The following QRSL1 variants were observed in gnomAD, a reference collection of about 807,000 sequenced individuals.
QRSL1 encodes glutamyl-tRNA(Gln) amidotransferase subunit A, mitochondrial.
In QRSL1, 54 loss-of-function variants were observed where a neutral mutation model predicts 61.6. The ratio of observed to expected loss-of-function variants is 0.88; its 90% CI spans 0.70 to 1.10. The LOEUF (loss-of-function observed/expected upper bound fraction) is 1.10, where lower values mean the gene tolerates loss of function less well. QRSL1 is among the 50% of genes least tolerant of loss of function. The pLI, the probability that QRSL1 is intolerant of heterozygous loss-of-function variation, is 0.00. For synonymous variants in QRSL1, 228 were observed against 225.7 expected (o/e 1.01, Z -0.09); for missense variants, 505 against 622.6 (o/e 0.81, Z 2.01).
chr6:106,634,765 C>CA lies in QRSL1; in HGVS notation c.24+5071dup, dbSNP rs879853525. Among the ~76,000 whole-genome samples, 653 of 138,220 alleles carry CA rather than the reference C, an allele frequency of 4.7e-3. 7 individuals carry two copies. The highest frequency in any genetic ancestry group is 0.014 in the African/African-American group (509 of 37,664). 90.7% of individuals were successfully genotyped at this position (138,220 alleles called of 152,430 possible). A position where few individuals can be genotyped will look rare whatever the true frequency, so the allele number is the denominator to read the frequency against. ...TTGGCAACAGAGCAAGGCCCTGTCT[C>CA]AAAAAAAAAAAGCAAGAAAGCATGA... On this transcript the variant is annotated intron_variant, in intron 1 of 10. Transcript: ENST00000369046.
intron 1 of QRSL1, among the ~76,000 whole-genome samples, chr6:106,635,980 G>A (rs772476637): frequency 3.2e-4 from 48 of 152,120 alleles, no homozygotes; most frequent in Non-Finnish European, 5.9e-4. Flanking sequence ...AAAATGTCTT[G>A]CATAGAGAAT....
intron 1 of QRSL1, among the ~76,000 whole-genome samples, chr6:106,633,996 A>G (rs1261627450): frequency 2.6e-5 from 4 of 152,100 alleles, no homozygotes; most frequent in Admixed American, 6.6e-5. Flanking sequence ...TATGAGTACT[A>G]TGGAGAAAAA....
chr6:106,637,620 CTG>C (rs1776944511), intron 1 of QRSL1, among the ~76,000 whole-genome samples: 1 of 152,140 alleles, frequency 6.6e-6, no homozygotes, highest in Admixed American at 6.5e-5. Context: ...ACTCTGGACT[CTG>C]TGGTATGTGG....
rs975577283 is a variant in QRSL1, at chr6:106,648,772, C to G, written c.381-253C>G. 4.6e-5 allele frequency among the ~76,000 whole-genome samples: 7 copies of G among 152,150 alleles called. No individual in the cohort carries two copies. In the South Asian group the frequency reaches 1.5e-3, roughly 32 times the overall value. ...ATCATCTTCAGTTGAATTGGATGAT[C>G]AAAAGAGGCAAAATCTTTTCTTAGC... On this transcript the variant is annotated intron_variant, in intron 4 of 10. Transcript: ENST00000369046.
chr6:106,661,098 A>G (rs965025541), intron 9 of QRSL1, among the ~76,000 whole-genome samples: 1 of 149,670 alleles, frequency 6.7e-6, no homozygotes, highest in Non-Finnish European at 1.5e-5. Flanking sequence ...ATAGAAAACA[A>G]GTATTTGTTT....
intron 1 of QRSL1, among the ~76,000 whole-genome samples, chr6:106,638,078 G>A (rs1295534995): frequency 1.3e-5 from 2 of 152,194 alleles, no homozygotes; most frequent in African/African-American, 4.8e-5. Flanking sequence ...GAGGAGTCAA[G>A]GAAGGAGAGA....
intron 4 of QRSL1, among the ~76,000 whole-genome samples, 164 bp from the exon 5 acceptor site, chr6:106,648,861 T>C (rs1232357352): frequency 1.3e-5 from 2 of 152,222 alleles, no homozygotes; most frequent in African/African-American, 4.8e-5. Flanking sequence ...AACTGTCAAT[T>C]AATGAAAGCT....
intron 4 of QRSL1, among the ~76,000 whole-genome samples, chr6:106,643,674 C>CT (rs1486789189): frequency 6.8e-6 from 1 of 146,396 alleles, no homozygotes; most frequent in East Asian, 2.0e-4. Context: ...GAGTGCAACT[C>CT]TGTCTCAAAA....
chr6:106,666,373 G>T lies in QRSL1; in HGVS notation c.*371G>T. The T allele has an allele frequency of 4.8e-6, 1 of 206,648 alleles. No individual in the cohort carries two copies. Among genetic ancestry groups the T allele is most frequent in the Non-Finnish European group, 1.0e-5 (1 of 100,360 alleles). 12.8% of individuals were successfully genotyped at this position (206,648 alleles called of 1,614,324 possible). A position where few individuals can be genotyped will look rare whatever the true frequency, so the allele number is the denominator to read the frequency against. On this transcript the variant is annotated 3_prime_UTR_variant, in exon 11 of 11. Transcript: ENST00000369046. ...GTACAGAGATTCTATATTCTAGAGA[G>T]TCAAATGGTCTTGCTCAATTCTTGT...
chr6:106,640,408 C>G lies in QRSL1; in HGVS notation c.84C>G (p.Leu28=), dbSNP rs767272537. 1.2e-6 allele frequency: 2 copies of G among 1,612,968 alleles called. No homozygotes were observed. ...CAACAGAGCTCTGTCAAAAATGTCT[C>G]TCTCTTATCAAGAAGACCAAGTTTC... ...ITPTELCQKC[L]SLIKKTKFLN... The change falls in exon 2 of 11, where the codon CTC becomes CTG. Residue 28 remains leucine, a synonymous_variant. Transcript: ENST00000369046.
rs766776580 is a variant in QRSL1 at position 106,667,455 on chromosome 6, G to A, written c.*1453G>A. The A allele has an allele frequency of 6.6e-6, 1 of 152,176 alleles. No individual in the cohort carries two copies. Among genetic ancestry groups the A allele is most frequent in the East Asian group, 1.9e-4 (1 of 5,192 alleles). The allele number at this position is 152,176 out of a possible 1,614,324, so 9.4% of individuals were successfully genotyped here. On this transcript the variant is annotated 3_prime_UTR_variant, in exon 11 of 11. Transcript: ENST00000369046. Reference sequence around the variant, plus strand: ...TAGAACACCATTGTCATCTCATATTGATCAGGTATTTTAATCTAGCACTTA... The same window carrying A: ...TAGAACACCATTGTCATCTCATATTAATCAGGTATTTTAATCTAGCACTTA...
intron 3 of QRSL1, among the ~76,000 whole-genome samples, chr6:106,641,616 A>G (rs1777021507): frequency 1.3e-5 from 2 of 152,224 alleles, no homozygotes; most frequent in Non-Finnish European, 1.5e-5. Flanking sequence ...ATAATATTCT[A>G]TGAGGAATAT....
chr6:106,651,779 C>G (rs1582415826), intron 5 of QRSL1, among the ~76,000 whole-genome samples: 1 of 152,138 alleles, frequency 6.6e-6, no homozygotes, highest in Admixed American at 6.5e-5. Flanking sequence ...ATATCAACAT[C>G]AGAAGAAAGT....
At chr6:106,638,473 T>C (rs1259308480) in intron 1 of QRSL1, among the ~76,000 whole-genome samples, 1 of 151,988 alleles carries the variant, frequency 6.6e-6, no homozygotes, top group East Asian at 1.9e-4. Flanking sequence ...CCTGGCTAAT[T>C]TCGTATTTTT....
chr6:106,648,038 C>T (rs2114708498), intron 4 of QRSL1, among the ~76,000 whole-genome samples: 1 of 151,750 alleles, frequency 6.6e-6, no homozygotes, highest in East Asian at 2.0e-4. Flanking sequence ...TGGCTCACCC[C>T]TGTAATCCCA....
At chr6:106,640,545 C>G in intron 2 of QRSL1, 37 bp downstream of exon 2, 1 of 1,466,718 alleles carries the variant, frequency 6.8e-7, no homozygotes, top group African/African-American at 1.4e-5. Context: ...TGTTATATCT[C>G]CAGAGAAGTT....
At chr6:106,639,119 G>GTTTTTTTTTTTTTTTTTTTT (rs1177849683) in intron 1 of QRSL1, among the ~76,000 whole-genome samples, 5 of 122,810 alleles carry the variant, frequency 4.1e-5, no homozygotes, top group African/African-American at 6.6e-5. Flanking sequence ...GTGTTTTGTT[G>GTTTTTTTTTTTTTTTTTTTT]TTTTTTTTTT....
intron 4 of QRSL1, among the ~76,000 whole-genome samples, chr6:106,648,808 T>G (rs1777152053): frequency 6.6e-6 from 1 of 152,228 alleles, no homozygotes; most frequent in African/African-American, 2.4e-5. Flanking sequence ...AGATTAGCTT[T>G]GTCTATTTTC....
chr6:106,629,776 C>G, intron 1 of QRSL1, 71 bp downstream of exon 1: 1 of 1,552,016 alleles, frequency 6.4e-7, no homozygotes, highest in South Asian at 1.2e-5. Context: ...ACAAAGAGTC[C>G]CTGGGCCTTA....
Sources: gnomAD v4.1 joint callset for allele counts (sites outside exome capture counted in the v4.1 genomes callset) on GRCh38, gnomAD v4.1.1 for gene constraint, MANE v1.5 for transcripts, NCBI Gene and HGNC (gene_info 2026-07-23, HGNC 2026-07-21) for gene names.